The following ADGRL3 variants were observed in gnomAD, a reference collection of about 807,000 sequenced individuals.
ADGRL3 encodes the protein calcium-independent alpha-latrotoxin receptor 3.
ADGRL3 carries 62 observed loss-of-function variants against 153.5 expected under a neutral mutation model. That is an observed-to-expected ratio of 0.40 (90% CI 0.33 to 0.50). The LOEUF (loss-of-function observed/expected upper bound fraction) is 0.50, where lower values mean the gene tolerates loss of function less well. Among genes scored for constraint, ADGRL3 ranks in the 20% least tolerant of loss-of-function variants. ADGRL3 has a pLI of 0.47. For synonymous variants in ADGRL3, 710 were observed against 672.5 expected (o/e 1.06, Z -0.86); for missense variants, 1,641 against 1,859.4 (o/e 0.88, Z 2.16).
Position 61,200,755 on chromosome 4 carries a change from C to G in ADGRL3, c.-1250C>G, listed in dbSNP as rs1734396550. Among the ~76,000 whole-genome samples, 1 of 152,112 alleles carries G rather than the reference C, an allele frequency of 6.6e-6. No homozygotes were observed. Among genetic ancestry groups the G allele is most frequent in the Non-Finnish European group, 1.5e-5 (1 of 68,016 alleles). ...GGAGAGCGCCAGTGCCTCGCTCGCT[C>G]TTGGGGAGTCGAAGAAGAGAAAGAA... is the stretch of plus-strand genomic sequence containing the variant. On this transcript the variant is annotated 5_prime_UTR_variant, in exon 1 of 27. Coordinates refer to ENST00000683033, the MANE Select transcript of ADGRL3 (RefSeq NM_001387552.1).
chr4:62,018,331 T>C (rs953848925), intron 21 of ADGRL3, among the ~76,000 whole-genome samples: 2 of 152,146 alleles, frequency 1.3e-5, no homozygotes, highest in Non-Finnish European at 2.9e-5. Flanking sequence ...TAACAGATTC[T>C]TATTGAGTAG....
intron 8 of ADGRL3, among the ~76,000 whole-genome samples, chr4:61,799,595 G>A (rs1002794776): frequency 6.6e-6 from 1 of 152,046 alleles, no homozygotes; most frequent in Non-Finnish European, 1.5e-5. Context: ...AGATAGGGAT[G>A]CAGAACCCCC....
At position 61,751,003 on chromosome 4, in the gene ADGRL3, G is replaced by T. The variant is rs962199933; in HGVS notation, c.1399+17449G>T. Among the ~76,000 whole-genome samples the T allele has an allele frequency of 1.2e-4, 18 of 152,112 alleles. 1 individual carries two copies. The highest frequency in any genetic ancestry group is 4.3e-4 in the African/African-American group (18 of 41,440). ...CGCAGATGTTGAGCAGCAGGTGAGC[G>T]AGCATTACTGCCTGAGCTCCGCCTC... is the stretch of plus-strand genomic sequence containing the variant. On this transcript the variant is annotated intron_variant, in intron 8 of 26. Coordinates refer to ENST00000683033, the MANE Select transcript of ADGRL3 (RefSeq NM_001387552.1).
rs551699741 is a variant in ADGRL3 at position 61,576,296 on chromosome 4, A to G, written c.260-10931A>G. ...TCTTCACTAGTGTCCAGCATTATCCAGCATACGATGTGGGGCTTTTCCTTG... is the reference window on the plus strand; with the variant it reads ...TCTTCACTAGTGTCCAGCATTATCCGGCATACGATGTGGGGCTTTTCCTTG... On this transcript the variant is annotated intron_variant, in intron 4 of 26. Coordinates refer to ENST00000683033, the MANE Select transcript of ADGRL3 (RefSeq NM_001387552.1). Among the ~76,000 whole-genome samples, 7 of 152,036 alleles carry G rather than the reference A, an allele frequency of 4.6e-5. No individual in the cohort carries two copies. In the South Asian group the frequency reaches 1.5e-3, roughly 32 times the overall value.
intron 13 of ADGRL3, among the ~76,000 whole-genome samples, chr4:61,928,127 TA>T (rs2098802219): frequency 1.3e-5 from 2 of 151,896 alleles, no homozygotes; most frequent in African/African-American, 4.8e-5. Flanking sequence ...AAAACATATT[TA>T]AAAAGTGGAA....
intron 2 of ADGRL3, among the ~76,000 whole-genome samples, chr4:61,410,268 C>T (rs2097068854): frequency 6.6e-6 from 1 of 151,974 alleles, no homozygotes; most frequent in African/African-American, 2.4e-5. Context: ...ACAAAACTAC[C>T]AGAATTATAC....
chr4:61,731,209 G>A (rs946249328), intron 7 of ADGRL3, among the ~76,000 whole-genome samples: 3 of 151,798 alleles, frequency 2.0e-5, no homozygotes, highest in African/African-American at 7.3e-5. Flanking sequence ...GAAGATTTTG[G>A]TAGTTAGCCT....
intron 2 of ADGRL3, among the ~76,000 whole-genome samples, chr4:61,453,143 G>T (rs939869574): frequency 4.5e-4 from 69 of 152,214 alleles, no homozygotes; most frequent in African/African-American, 1.6e-3. Context: ...GATTCCTGAA[G>T]GTTGATTGTG....
intron 1 of ADGRL3, among the ~76,000 whole-genome samples, chr4:61,380,591 A>T (rs2096655491): frequency 6.6e-6 from 1 of 152,048 alleles, no homozygotes; most frequent in African/African-American, 2.4e-5. Flanking sequence ...AAAGCAATCT[A>T]GTACTCAAAC....
intron 4 of ADGRL3, among the ~76,000 whole-genome samples, chr4:61,553,237 T>G (rs1471880028): frequency 2.6e-5 from 4 of 152,198 alleles, no homozygotes; most frequent in African/African-American, 4.8e-5. Context: ...GTATTTTCAC[T>G]CTCCTTTGGT....
intron 9 of ADGRL3, among the ~76,000 whole-genome samples, chr4:61,888,951 A>G (rs569852413): frequency 1.2e-4 from 18 of 152,290 alleles, no homozygotes; most frequent in Admixed American, 7.2e-4. Flanking sequence ...GCATTTAAGA[A>G]ATAATTTTTT....
chr4:62,058,098 G>C (rs1409897830), intron 25 of ADGRL3, among the ~76,000 whole-genome samples: 1 of 152,150 alleles, frequency 6.6e-6, no homozygotes, highest in Non-Finnish European at 1.5e-5. Flanking sequence ...GAGTTTGTGA[G>C]TTAAATAATT....
chr4:61,778,460 T>C (rs1357130347), intron 8 of ADGRL3, among the ~76,000 whole-genome samples: 2 of 152,136 alleles, frequency 1.3e-5, no homozygotes, highest in African/African-American at 4.8e-5. Context: ...AATGCCAACA[T>C]TGAATTTGAA....
chr4:61,487,102 C>A (rs2098203862), intron 2 of ADGRL3, among the ~76,000 whole-genome samples: 2 of 152,202 alleles, frequency 1.3e-5, no homozygotes, highest in South Asian at 4.1e-4. Flanking sequence ...CTAATCACAC[C>A]TAGCTGAAAG....
At chr4:61,952,695 T>C (rs936658346) in intron 17 of ADGRL3, among the ~76,000 whole-genome samples, 3 of 152,168 alleles carry the variant, frequency 2.0e-5, no homozygotes, top group Non-Finnish European at 2.9e-5. Flanking sequence ...CTTAGCAAGA[T>C]TGGCTATATA....
At chr4:61,817,330 G>A (rs186683068) in intron 9 of ADGRL3, among the ~76,000 whole-genome samples, 1 of 152,330 alleles carries the variant, frequency 6.6e-6, no homozygotes, top group East Asian at 1.9e-4. Context: ...TCTGTGGCCT[G>A]GATTGAGAAC....
At chr4:61,613,263 A>C (rs1012595229) in intron 5 of ADGRL3, among the ~76,000 whole-genome samples, 1 of 152,196 alleles carries the variant, frequency 6.6e-6, no homozygotes, top group Admixed American at 6.5e-5. Context: ...TCTTTGAAGC[A>C]GATTTAAATG....
chr4:61,936,098 A>G (rs2150155245), intron 15 of ADGRL3, 53 bp downstream of exon 15: 19 of 1,593,890 alleles, frequency 1.2e-5, no homozygotes, highest in East Asian at 2.2e-5. Context: ...GCATCAGTTC[A>G]TTTCTTTTTG....
chr4:61,322,328 A>G (rs1238983742), intron 1 of ADGRL3, among the ~76,000 whole-genome samples: 1 of 152,190 alleles, frequency 6.6e-6, no homozygotes, highest in Non-Finnish European at 1.5e-5. Flanking sequence ...GCCAAACCAT[A>G]TCGTTCCACC....
Sources: gnomAD v4.1 joint callset for allele counts (sites outside exome capture counted in the v4.1 genomes callset) on GRCh38, gnomAD v4.1.1 for gene constraint, MANE v1.5 for transcripts, NCBI Gene and HGNC (gene_info 2026-07-23, HGNC 2026-07-21) for gene names.